HAUS6: variants seen among roughly 807,000 people sequenced by gnomAD.
HAUS6 encodes the protein HAUS augmin-like complex subunit 6.
In HAUS6, 80 loss-of-function variants were observed where a neutral mutation model predicts 106.8. That is an observed-to-expected ratio of 0.75 (90% confidence interval 0.63 to 0.90). HAUS6 has a LOEUF of 0.90. Among genes scored for constraint, HAUS6 ranks in the 40% least tolerant of loss-of-function variants. HAUS6 has a pLI of 0.00. For missense variants in HAUS6, 1,155 were observed against 1,118.1 expected (o/e 1.03, Z -0.47); for synonymous variants, 356 against 379.1 (o/e 0.94, Z 0.71).
rs1836416823 is a variant in HAUS6 at position 19,054,036 on chromosome 9, A to G, written c.*2307T>C. 1.3e-5 allele frequency: 2 copies of G among 152,244 alleles called. No homozygotes were observed. Among genetic ancestry groups the G allele is most frequent in the African/African-American group, 4.8e-5 (2 of 41,468 alleles). 9.4% of individuals were successfully genotyped at this position (152,244 alleles called of 1,614,324 possible). A position where few individuals can be genotyped will look rare whatever the true frequency, so the allele number is the denominator to read the frequency against. ...GAGATTTCAGAGAAGGAGTAGGCAC[A>G]TGGATATAAAAAGCGTGGATTAAGA... On this transcript the variant is annotated 3_prime_UTR_variant, in exon 17 of 17. Coordinates refer to ENST00000380502, the MANE Select transcript of HAUS6 (RefSeq NM_017645.5).
At position 19,093,313 on chromosome 9, in the gene HAUS6, A is replaced by C. The variant is rs1212390257; in HGVS notation, c.304-10T>G. On this transcript the variant is annotated splice_polypyrimidine_tract_variant and intron_variant, in intron 3 of 16. Coordinates refer to ENST00000380502, the MANE Select transcript of HAUS6 (RefSeq NM_017645.5). ...TACTTCCACATTCACCCTATGAAGA[A>C]AAGAAATAAGATGATTTGAAGACCT... 6.3e-7 allele frequency: 1 copy of C among 1,591,464 alleles called. No individual in the cohort carries two copies. Among genetic ancestry groups the C allele is most frequent in the South Asian group, 1.1e-5 (1 of 87,692 alleles).
intron 7 of HAUS6, 76 bp downstream of exon 7, chr9:19,086,658 G>C (rs1162102834): frequency 4.6e-6 from 3 of 658,620 alleles, no homozygotes; most frequent in Middle Eastern, 2.7e-4. Context: ...GACTATAAGA[G>C]TCCCACTAAT....
chr9:19,100,422 T>C (rs1383579311), intron 1 of HAUS6, among the ~76,000 whole-genome samples: 1 of 152,174 alleles, frequency 6.6e-6, no homozygotes, highest in Non-Finnish European at 1.5e-5. Flanking sequence ...GCATTTAAAG[T>C]GGACATGTGT....
chr9:19,056,571 G>A (rs1295376616), intron 16 of HAUS6, 167 bp from the exon 17 acceptor site: 2 of 558,682 alleles, frequency 3.6e-6, no homozygotes, highest in Non-Finnish European at 6.4e-6. Flanking sequence ...TCTTTCTCCA[G>A]AGATCAATAC....
At chr9:19,069,816 T>A (rs1836849807) in intron 12 of HAUS6, among the ~76,000 whole-genome samples, 1 of 151,356 alleles carries the variant, frequency 6.6e-6, no homozygotes, top group African/African-American at 2.4e-5. Context: ...CAAATTTGGG[T>A]CAGGCACAGG....
intron 12 of HAUS6, among the ~76,000 whole-genome samples, chr9:19,066,136 A>G (rs956600501): frequency 6.6e-6 from 1 of 151,862 alleles, no homozygotes; most frequent in African/African-American, 2.4e-5. Context: ...GGGTTTCACC[A>G]TGTTGGCCAG....
chr9:19,082,803 A>T, intron 8 of HAUS6, 70 bp downstream of exon 8: 1 of 792,244 alleles, frequency 1.3e-6, no homozygotes. Flanking sequence ...AAGCAGAAGA[A>T]CATTGCAAGA....
In HAUS6 at chr9:19,089,553, G is replaced by A. The variant is rs899296946; in HGVS notation, c.443C>T (p.Ser148Phe). The A allele has an allele frequency of 6.8e-6, 11 of 1,607,812 alleles. No homozygotes were observed. Among genetic ancestry groups the A allele is most frequent in the Non-Finnish European group, 9.4e-6 (11 of 1,175,722 alleles). Reference sequence around the variant, plus strand: ...GTTAAATGTCTCTACAAAATGATGAGAAGAATCTACACAGAACACAAATAA... The same window carrying A: ...GTTAAATGTCTCTACAAAATGATGAAAAGAATCTACACAGAACACAAATAA... ...KYIKSNSKNS[S>F]HHFVETFNIK... Residue 148 changes from serine to phenylalanine, a missense_variant, in exon 5 of 17, where the codon TCT (serine) becomes TTT (phenylalanine). Transcript: ENST00000380502.
chr9:19,081,171 A>G (rs1837139279), intron 8 of HAUS6, among the ~76,000 whole-genome samples: 1 of 152,218 alleles, frequency 6.6e-6, no homozygotes, highest in Non-Finnish European at 1.5e-5. Flanking sequence ...CTACTAGGAA[A>G]GAGTAACATG....
rs1421744694 is a variant in HAUS6 at position 19,091,296 on chromosome 9, T to A, written c.437-1737A>T. On this transcript the variant is annotated intron_variant, in intron 4 of 16. Coordinates refer to ENST00000380502, the MANE Select transcript of HAUS6 (RefSeq NM_017645.5). The stretch of plus-strand genomic sequence containing the variant: ...GCTTGGGCAACAGAGTGAGACTTCG[T>A]CTGCGAAAAAAAAAAAAAGAAACCA... 3.0e-5 allele frequency among the ~76,000 whole-genome samples: 4 copies of A among 132,884 alleles called. No homozygotes were observed. In the East Asian group the frequency reaches 8.7e-4, roughly 29 times the overall value. The allele number at this position is 132,884 out of a possible 152,430, so 87.2% of individuals were successfully genotyped here. A position where few individuals can be genotyped will look rare whatever the true frequency, so the allele number is the denominator to read the frequency against.
chr9:19,096,812 T>A, intron 1 of HAUS6, 43 bp from the exon 2 acceptor site: 2 of 917,252 alleles, frequency 2.2e-6, no homozygotes, highest in Non-Finnish European at 3.4e-6. Context: ...AGAAAAAGGT[T>A]AATAAGCTAA....
At chr9:19,097,255 C>G (rs902705563) in intron 1 of HAUS6, among the ~76,000 whole-genome samples, 4 of 152,146 alleles carry the variant, frequency 2.6e-5, no homozygotes, top group Non-Finnish European at 5.9e-5. Context: ...CAAATGGGAT[C>G]TAATTAAACT....
At chr9:19,060,298 A>G (rs1217330715) in intron 14 of HAUS6, 75 bp from the exon 15 acceptor site, 2 of 1,191,550 alleles carry the variant, frequency 1.7e-6, no homozygotes, top group Non-Finnish European at 2.3e-6. Flanking sequence ...CCTGATAAGG[A>G]TAATAAGCAC....
chr9:19,077,606 C>T (rs930363015), intron 10 of HAUS6, among the ~76,000 whole-genome samples: 2 of 152,142 alleles, frequency 1.3e-5, no homozygotes, highest in African/African-American at 4.8e-5. Flanking sequence ...CTCTAAATAA[C>T]AGCAACTTAT....
At chr9:19,088,375 C>A (rs1325546911) in intron 5 of HAUS6, among the ~76,000 whole-genome samples, 3 of 148,044 alleles carry the variant, frequency 2.0e-5, no homozygotes, top group Non-Finnish European at 4.5e-5. Context: ...GAGATTGTGA[C>A]ACTGCGCTCC....
Position 19,076,630 on chromosome 9 carries a change from A to T in HAUS6, c.1266T>A (p.Ile422=). Residue 422 remains isoleucine, a synonymous_variant, in exon 11 of 17, where the codon ATT becomes ATA. Transcript: ENST00000380502. ...PASEEVYAKS[I]LCQYPASLPD... Reference sequence around the variant, plus strand: ...GAAGTGAAGCAGGATACTGACAAAGAATACTCTTTGCATACACTTCTTCTG... The same window carrying T: ...GAAGTGAAGCAGGATACTGACAAAGTATACTCTTTGCATACACTTCTTCTG... 1.9e-6 allele frequency: 3 copies of T among 1,583,108 alleles called. No individual in the cohort carries two copies. The highest frequency in any genetic ancestry group is 2.6e-6 in the Non-Finnish European group (3 of 1,153,726).
At chr9:19,060,355 A>G (rs1836580514) in intron 14 of HAUS6, 132 bp from the exon 15 acceptor site, 1 of 648,892 alleles carries the variant, frequency 1.5e-6, no homozygotes, top group Non-Finnish European at 2.5e-6. Context: ...AAAAATAAGC[A>G]ACAAAGAAGT....
Position 19,080,685 on chromosome 9 carries a change from G to A in HAUS6, c.871-13C>T. The A allele has an allele frequency of 3.9e-6, 6 of 1,549,560 alleles. No individual in the cohort carries two copies. The highest frequency in any genetic ancestry group is 5.3e-6 in the Non-Finnish European group (6 of 1,134,152). On this transcript the variant is annotated splice_polypyrimidine_tract_variant and intron_variant, in intron 8 of 16. Transcript: ENST00000380502. The stretch of plus-strand genomic sequence containing the variant: ...TTCCTATGTGCAACTAAGGAATCAG[G>A]AGGAGAAAAAAATTGGTGAACTATA...
chr9:19,088,262 A>G (rs1817668404), intron 5 of HAUS6, among the ~76,000 whole-genome samples: 2 of 151,904 alleles, frequency 1.3e-5, no homozygotes, highest in African/African-American at 4.8e-5. Flanking sequence ...TAAAAAATAC[A>G]AAAATTAGCT....
Sources: allele counts gnomAD v4.1 joint callset (sites outside exome capture counted in the v4.1 genomes callset), GRCh38; gene constraint gnomAD v4.1.1; transcripts MANE v1.5; gene names NCBI Gene and HGNC (gene_info 2026-07-23, HGNC 2026-07-21).